Variants in PPP2R2C observed in about 807,000 individuals in gnomAD.
PPP2R2C encodes the protein protein phosphatase 2 regulatory subunit Bgamma.
Under a neutral mutation model 45.3 loss-of-function variants are expected in PPP2R2C, and 10 were observed. The observed-to-expected ratio is 0.22, with a 90% CI of 0.14 to 0.37. PPP2R2C has a LOEUF of 0.37. Among genes scored for constraint, PPP2R2C ranks in the 10% least tolerant of loss-of-function variants. The probability of loss-of-function intolerance (pLI) is 1.00; values close to 1 mark genes in which losing one functional copy is unlikely to be tolerated. For missense variants in PPP2R2C, 308 were observed against 619.7 expected (o/e 0.50, Z 5.34); for synonymous variants, 257 against 245.4 (o/e 1.05, Z -0.44).
At chr4:6,335,876 G>A (rs1283918205) in intron 6 of PPP2R2C, among the ~76,000 whole-genome samples, 1 of 152,034 alleles carries the variant, frequency 6.6e-6, no homozygotes, top group Non-Finnish European at 1.5e-5. Context: ...TGAGAGCAAG[G>A]CCTCCAAACA....
intron 1 of PPP2R2C, chr4:6,382,146 T>C (rs1715844540): frequency 3.3e-6 from 4 of 1,222,576 alleles, no homozygotes; most frequent in Non-Finnish European, 4.1e-6. Flanking sequence ...AGATTTCCTA[T>C]AAAAATCCAC....
chr4:6,388,169 C>T (rs1019268007), intron 1 of PPP2R2C, among the ~76,000 whole-genome samples: 9 of 152,168 alleles, frequency 5.9e-5, no homozygotes, highest in African/African-American at 2.2e-4. Flanking sequence ...CCTTCCTGGG[C>T]AGCTCTAGGG....
chr4:6,333,987 C>G (rs1471558306), intron 6 of PPP2R2C, among the ~76,000 whole-genome samples: 1 of 152,170 alleles, frequency 6.6e-6, no homozygotes, highest in Admixed American at 6.5e-5. Flanking sequence ...CCTGGGGAGT[C>G]AGTGCTGGAA....
At chr4:6,377,205 G>A (rs1300429669) in intron 3 of PPP2R2C, among the ~76,000 whole-genome samples, 2 of 152,230 alleles carry the variant, frequency 1.3e-5, no homozygotes, top group Admixed American at 6.5e-5. Flanking sequence ...CGTGGGGACA[G>A]CACCTCGAAG....
intron 2 of PPP2R2C, among the ~76,000 whole-genome samples, chr4:6,530,232 T>A (rs1328535319): frequency 6.6e-6 from 1 of 152,106 alleles, no homozygotes; most frequent in Non-Finnish European, 1.5e-5. Flanking sequence ...AGCACCCACT[T>A]GTAACTGCAT....
intron 6 of PPP2R2C, among the ~76,000 whole-genome samples, chr4:6,335,819 C>T (rs1732801553): frequency 6.6e-6 from 1 of 152,030 alleles, no homozygotes; most frequent in South Asian, 2.1e-4. Flanking sequence ...TCTGGTATCC[C>T]CCCAAATCAG....
chr4:6,396,162 C>A (rs555503784), intron 1 of PPP2R2C, among the ~76,000 whole-genome samples: 11 of 152,302 alleles, frequency 7.2e-5, no homozygotes, highest in Admixed American at 6.5e-4. Context: ...AACTTGTACT[C>A]CACCCAGGAG....
intron 1 of PPP2R2C, among the ~76,000 whole-genome samples, chr4:6,437,139 A>G (rs1421111714): frequency 6.6e-6 from 1 of 152,194 alleles, no homozygotes; most frequent in Non-Finnish European, 1.5e-5. Context: ...TGCCACTCTC[A>G]GCGTCATGGT....
At chr4:6,386,645 C>T (rs115021151) in intron 1 of PPP2R2C, among the ~76,000 whole-genome samples, 2,930 of 152,278 alleles carry the variant, frequency 0.019, 82 homozygotes, top group African/African-American at 0.06. Flanking sequence ...AATCTAGAGT[C>T]GCTCTTATGC....
chr4:6,360,534 C>G (rs139532640), intron 5 of PPP2R2C, among the ~76,000 whole-genome samples: 1 of 152,212 alleles, frequency 6.6e-6, no homozygotes, highest in Admixed American at 6.5e-5. Flanking sequence ...AAGCAGCCAC[C>G]GGAGTTAGGG....
chr4:6,390,133 G>A (rs375455943), intron 1 of PPP2R2C, among the ~76,000 whole-genome samples: 9 of 152,262 alleles, frequency 5.9e-5, no homozygotes, highest in East Asian at 3.9e-4. Flanking sequence ...TTACCTCCAC[G>A]TACTTCCAGG....
chr4:6,510,839 T>C (rs1723406509), intron 2 of PPP2R2C, among the ~76,000 whole-genome samples: 1 of 152,108 alleles, frequency 6.6e-6, no homozygotes, highest in African/African-American at 2.4e-5. Flanking sequence ...TAGCCAGGCA[T>C]GGTGGCAGGC....
intron 1 of PPP2R2C, among the ~76,000 whole-genome samples, chr4:6,433,807 G>T (rs535203953): frequency 6.6e-6 from 1 of 152,354 alleles, no homozygotes; most frequent in South Asian, 2.1e-4. Flanking sequence ...CCACAGAGGT[G>T]AAGTAACTTG....
chr4:6,472,677 C>T (rs1721981643), upstream of PPP2R2C, among the ~76,000 whole-genome samples: 1 of 150,788 alleles, frequency 6.6e-6, no homozygotes. Flanking sequence ...CGCCCGCTCT[C>T]CGCCCCCGCG....
intron 1 of PPP2R2C, among the ~76,000 whole-genome samples, chr4:6,391,010 G>A (rs1423480731): frequency 6.6e-6 from 1 of 152,162 alleles, no homozygotes; most frequent in Non-Finnish European, 1.5e-5. Context: ...GTGTGGCCAG[G>A]GCAAATGGGC....
In PPP2R2C at chr4:6,479,167, T is replaced by C. The variant is rs370289430; in HGVS notation, c.49+56104A>G. The stretch of plus-strand genomic sequence containing the variant: ...GCTCCTAAGTGGCAATCCAGAGATG[T>C]ACCCAGGTCTGTGATTCCAGGGCTG... On this transcript the variant is annotated intron_variant, in intron 2 of 9. Transcript: ENST00000506140. Among the ~76,000 whole-genome samples, 48 of 152,322 alleles carry C rather than the reference T, an allele frequency of 3.2e-4. 1 individual carries two copies. The highest frequency in any genetic ancestry group is 8.9e-4 in the African/African-American group (37 of 41,580).
intron 1 of PPP2R2C, among the ~76,000 whole-genome samples, chr4:6,444,232 T>C (rs937861223): frequency 5.9e-5 from 9 of 152,060 alleles, no homozygotes; most frequent in South Asian, 4.1e-4. Context: ...GATGGATAAA[T>C]AGAACAAGGG....
intron 1 of PPP2R2C, among the ~76,000 whole-genome samples, chr4:6,459,337 C>T (rs1704108266): frequency 6.6e-6 from 1 of 152,124 alleles, no homozygotes; most frequent in Non-Finnish European, 1.5e-5. Flanking sequence ...GTGGCTGGCT[C>T]CAAGGCAGAA....
intron 1 of PPP2R2C, among the ~76,000 whole-genome samples, chr4:6,390,892 C>G (rs78146667): frequency 0.082 from 12,508 of 152,180 alleles, 667 homozygotes; most frequent in South Asian, 0.19. Flanking sequence ...ATCACCACCC[C>G]ACCTTCCAGC....
Sources: allele counts gnomAD v4.1 joint callset (sites outside exome capture counted in the v4.1 genomes callset), GRCh38; gene constraint gnomAD v4.1.1; transcripts MANE v1.5; gene names NCBI Gene and HGNC (gene_info 2026-07-23, HGNC 2026-07-21).